Variants in ENO4 observed in about 807,000 individuals in gnomAD.
The protein encoded by ENO4 is enolase 4.
ENO4 carries 53 observed loss-of-function variants against 63.2 expected under a neutral mutation model. That is an observed-to-expected ratio of 0.84 (90% confidence interval 0.67 to 1.05). ENO4 has a LOEUF of 1.05. Ranked by LOEUF, ENO4 falls within the 50% of genes least tolerant of loss-of-function variation. The pLI is 0.00. For synonymous variants in ENO4, 266 were observed against 283.8 expected (o/e 0.94, Z 0.63); for missense variants, 719 against 772.0 (o/e 0.93, Z 0.81).
chr10:116,909,471 C>T (rs927074147), intron 10 of ENO4, among the ~76,000 whole-genome samples: 2 of 152,180 alleles, frequency 1.3e-5, no homozygotes, highest in African/African-American at 4.8e-5. Flanking sequence ...ATCTATTCTT[C>T]AGCAATCACC....
chr10:116,883,501 T>C (rs1237814277), downstream of ENO4: 2 of 152,192 alleles, frequency 1.3e-5, no homozygotes, highest in Non-Finnish European at 2.9e-5. Context: ...AACTTACTGG[T>C]ATATAAGCTA....
At chr10:116,865,975 G>T (rs1846538964) in intron 7 of ENO4, among the ~76,000 whole-genome samples, 1 of 152,098 alleles carries the variant, frequency 6.6e-6, no homozygotes, top group South Asian at 2.1e-4. Context: ...TGTATAGGTA[G>T]GTACTATTAT....
At chr10:116,894,934 T>C (rs574841067) in intron 10 of ENO4, among the ~76,000 whole-genome samples, 5 of 152,308 alleles carry the variant, frequency 3.3e-5, no homozygotes, top group Admixed American at 3.3e-4. Flanking sequence ...CTTACCTCTT[T>C]CTCCATACTG....
At chr10:116,857,466 T>G (rs149590099) in intron 3 of ENO4, among the ~76,000 whole-genome samples, 86 of 152,314 alleles carry the variant, frequency 5.6e-4, no homozygotes, top group African/African-American at 1.9e-3. Flanking sequence ...ATGTTCTTCA[T>G]TCCCCAACCA....
intron 3 of ENO4, 95 bp from the exon 4 acceptor site, chr10:116,858,895 T>C (rs1846339024): frequency 1.6e-6 from 1 of 632,148 alleles, no homozygotes; most frequent in African/African-American, 1.9e-5. Flanking sequence ...CAGTTATTTA[T>C]TGAAATATAT....
chr10:116,853,070 C>T (rs995988393), intron 1 of ENO4, among the ~76,000 whole-genome samples: 100 of 152,054 alleles, frequency 6.6e-4, no homozygotes, highest in African/African-American at 2.2e-3. Context: ...CTGAGGCGGG[C>T]GGATCACAAG....
In ENO4 at chr10:116,861,085, T is replaced by C; in HGVS notation, c.831T>C (p.Pro277=). The part of the protein sequence containing the change: ...NQEQPTTLSM[P]LLMVSLVSCG... ...AACAGCCAACAACGCTATCTATGCC[T>C]TTGCTGATGGTATCGCTGGTCAGCT... Residue 277 remains proline, a synonymous_variant, in exon 6 of 14, where the codon CCT becomes CCC. Transcript: ENST00000341276. 6.5e-7 allele frequency: 1 copy of C among 1,548,688 alleles called. No individual in the cohort carries two copies. Among genetic ancestry groups the C allele is most frequent in the Middle Eastern group, 1.7e-4 (1 of 5,984 alleles).
At chr10:116,894,059 T>A (rs1847431894) in intron 10 of ENO4, among the ~76,000 whole-genome samples, 1 of 152,218 alleles carries the variant, frequency 6.6e-6, no homozygotes, top group Non-Finnish European at 1.5e-5. Context: ...ATCTTACTTT[T>A]AATTCAAAAC....
chr10:116,869,691 T>C (rs1214915863), intron 8 of ENO4, among the ~76,000 whole-genome samples: 2 of 152,178 alleles, frequency 1.3e-5, no homozygotes, highest in Non-Finnish European at 2.9e-5. Flanking sequence ...TGTGCCTTCA[T>C]CCCAGCAGGT....
At chr10:116,890,601 CCAAAAAG>C (rs1484962585) in intron 10 of ENO4, among the ~76,000 whole-genome samples, 1 of 152,160 alleles carries the variant, frequency 6.6e-6, no homozygotes, top group Non-Finnish European at 1.5e-5. Context: ...AAACCAAAAA[CCAAAAAG>C]CAAAATAAAA....
At chr10:116,895,147 G>A (rs1020267850) in intron 10 of ENO4, among the ~76,000 whole-genome samples, 2 of 152,154 alleles carry the variant, frequency 1.3e-5, no homozygotes, top group Non-Finnish European at 2.9e-5. Context: ...CACAGAGAGT[G>A]ATTCACCTTT....
chr10:116,899,226 T>C (rs879808199), intron 10 of ENO4, among the ~76,000 whole-genome samples: 1 of 151,872 alleles, frequency 6.6e-6, no homozygotes, highest in Non-Finnish European at 1.5e-5. Flanking sequence ...ATAAATAAAG[T>C]ATATAGTAAG....
chr10:116,875,044 AAAG>A (rs1258878583), intron 10 of ENO4, among the ~76,000 whole-genome samples: 12 of 152,302 alleles, frequency 7.9e-5, no homozygotes, highest in African/African-American at 2.9e-4. Flanking sequence ...TGCATTTGAC[AAAG>A]GCTTATGTGA....
In ENO4 at chr10:116,881,680, AC is replaced by A; in HGVS notation, c.*15del. 6.8e-7 allele frequency: 1 copy of A among 1,478,868 alleles called. No individual in the cohort carries two copies. Among genetic ancestry groups the A allele is most frequent in the Non-Finnish European group, 9.0e-7 (1 of 1,110,524 alleles). 91.6% of individuals were successfully genotyped at this position (1,478,868 alleles called of 1,614,324 possible). ...GCATCCTCTGGATAGGGCTGTACAC[AC>A]CCCAGGTTCCAGCCACACCATCAGT... On this transcript the variant is annotated 3_prime_UTR_variant, in exon 14 of 14. Transcript: ENST00000341276.
intron 10 of ENO4, among the ~76,000 whole-genome samples, chr10:116,900,137 G>C (rs1847679767): frequency 1.3e-5 from 2 of 152,300 alleles, no homozygotes; most frequent in East Asian, 1.9e-4. Context: ...GTAAATTACT[G>C]TCAATATGAA....
chr10:116,893,597 C>CACACACACACACACACACA (rs3981216), intron 10 of ENO4, among the ~76,000 whole-genome samples: 3 of 151,342 alleles, frequency 2.0e-5, no homozygotes, highest in Non-Finnish European at 4.4e-5. Flanking sequence ...CACACACACA[C>CACACACACACACACACACA]GAGAAAGAAA....
At chr10:116,863,355 T>TACAC (rs1846466895) in intron 7 of ENO4, among the ~76,000 whole-genome samples, 1 of 33,220 alleles carries the variant, frequency 3.0e-5, no homozygotes, top group African/African-American at 7.8e-5. Context: ...TCTGTGGGGC[T>TACAC]TCACACACAC....
chr10:116,867,720 C>A (rs1846585374), intron 7 of ENO4, among the ~76,000 whole-genome samples: 2 of 152,158 alleles, frequency 1.3e-5, no homozygotes, highest in Admixed American at 1.3e-4. Context: ...TTGCAAGGCC[C>A]TGTGCTAGGT....
Position 116,908,952 on chromosome 10 carries a change from GA to G in ENO4, c.1195-2546del. Among the ~76,000 whole-genome samples, 3 of 152,250 alleles carry G rather than the reference GA, an allele frequency of 2.0e-5. No individual in the cohort carries two copies. The South Asian group carries it at 6.2e-4, about 32-fold the overall frequency. ...AACTTTCAATACAAGGGCAATTGTG[GA>G]GGAAAGAAAGGTTTCTGCATGACTC... is the stretch of plus-strand genomic sequence containing the variant. On this transcript the variant is annotated intron_variant, in intron 10 of 10. Coordinates refer to the ENO4 transcript ENST00000369207.
Sources: gnomAD v4.1 joint callset for allele counts (sites outside exome capture counted in the v4.1 genomes callset) on GRCh38, gnomAD v4.1.1 for gene constraint, MANE v1.5 for transcripts, NCBI Gene and HGNC (gene_info 2026-07-23, HGNC 2026-07-21) for gene names.